Variants in SLC47A2 observed in about 807,000 individuals in gnomAD.
SLC47A2 encodes the protein solute carrier family 47 member 2.
SLC47A2 carries 52 observed loss-of-function variants against 67.7 expected under a neutral mutation model. The observed-to-expected ratio is 0.77, with a 90% CI of 0.61 to 0.97. SLC47A2 has a LOEUF of 0.97. SLC47A2 is among the 50% of genes least tolerant of loss of function. The pLI is 0.00. For missense variants in SLC47A2, 676 were observed against 712.3 expected (o/e 0.95, Z 0.58); for synonymous variants, 278 against 292.9 (o/e 0.95, Z 0.52).
intron 1 of SLC47A2, 143 bp from the exon 2 acceptor site, chr17:19,715,360 C>T (rs1489267650): frequency 1.5e-5 from 10 of 673,578 alleles, no homozygotes; most frequent in African/African-American, 1.1e-4. Flanking sequence ...GGCTGGAGGT[C>T]GGATGACCTA....
chr17:19,709,346 TCTCTC>T (rs1458969961), intron 5 of SLC47A2, among the ~76,000 whole-genome samples: 1 of 152,166 alleles, frequency 6.6e-6, no homozygotes, highest in Non-Finnish European at 1.5e-5. Flanking sequence ...ACCTACCCTT[TCTCTC>T]CTCTCTTAAG....
intron 13 of SLC47A2, among the ~76,000 whole-genome samples, chr17:19,691,110 C>T (rs9797254): frequency 0.21 from 31,499 of 149,402 alleles, 3,682 homozygotes; most frequent in East Asian, 0.39. Flanking sequence ...GCAACAAGAG[C>T]GAAACTCCGT....
intron 13 of SLC47A2, among the ~76,000 whole-genome samples, chr17:19,691,259 CAAAAG>C (rs1451756290): frequency 1.3e-5 from 2 of 152,028 alleles, no homozygotes; most frequent in East Asian, 1.9e-4. Flanking sequence ...GGTATATACT[CAAAAG>C]AAAGGAAATT....
intron 7 of SLC47A2, 103 bp from the exon 8 acceptor site, chr17:19,707,946 A>G: frequency 9.2e-7 from 1 of 1,081,802 alleles, no homozygotes; most frequent in East Asian, 2.6e-5. Context: ...TGGGGCAGGC[A>G]TGGCTCTGCT....
At chr17:19,705,976 G>T (rs2085924295) in intron 9 of SLC47A2, among the ~76,000 whole-genome samples, 1 of 152,122 alleles carries the variant, frequency 6.6e-6, no homozygotes, top group African/African-American at 2.4e-5. Flanking sequence ...GGAAAATTCT[G>T]CCCAGTGCCC....
intron 13 of SLC47A2, among the ~76,000 whole-genome samples, chr17:19,693,022 T>C (rs1480019773): frequency 6.6e-6 from 1 of 151,968 alleles, no homozygotes; most frequent in Non-Finnish European, 1.5e-5. Flanking sequence ...TCCCAGCTAC[T>C]TGGGAGGCTG....
chr17:19,689,708 AAAAG>A (rs1423358595), intron 13 of SLC47A2, among the ~76,000 whole-genome samples: 1 of 152,070 alleles, frequency 6.6e-6, no homozygotes, highest in Non-Finnish European at 1.5e-5. Flanking sequence ...AAAAAAAAAA[AAAAG>A]AAAAAGAAAT....
intron 10 of SLC47A2, chr17:19,704,820 T>C: frequency 5.7e-6 from 3 of 527,634 alleles, no homozygotes; most frequent in Non-Finnish European, 9.1e-6. Context: ...CGATGGAATG[T>C]GCTTTTTTTT....
rs558797668 is a variant in SLC47A2 at position 19,694,282 on chromosome 17, A to C, written c.1164+8323T>G. On this transcript the variant is annotated intron_variant, in intron 13 of 16. Transcript: ENST00000433844. ...AATTGATAAGCTGATTCTAAAATAC[A>C]TACAAAAATGCAAAGGACCTAAAAG... Among the ~76,000 whole-genome samples the C allele has an allele frequency of 7.6e-4, 116 of 152,326 alleles. 1 individual carries two copies. The highest frequency in any genetic ancestry group is 8.3e-4 in the South Asian group (4 of 4,826).
intron 13 of SLC47A2, among the ~76,000 whole-genome samples, chr17:19,686,080 G>A (rs947746886): frequency 6.6e-6 from 1 of 152,082 alleles, no homozygotes; most frequent in African/African-American, 2.4e-5. Context: ...TGGCCAACAT[G>A]GTGAAACCCT....
chr17:19,690,695 A>T (rs2386142), intron 13 of SLC47A2, among the ~76,000 whole-genome samples: 2 of 151,958 alleles, frequency 1.3e-5, no homozygotes, highest in African/African-American at 2.4e-5. Flanking sequence ...ATATGAAAAG[A>T]TGCCCAACAT....
upstream of SLC47A2, chr17:19,717,358 C>T (rs1000863471): frequency 1.3e-5 from 2 of 152,494 alleles, no homozygotes; most frequent in Non-Finnish European, 2.9e-5. Context: ...ATTGCCCTCT[C>T]TGCTTTTCCT....
At chr17:19,688,669 C>G (rs1341188095) in intron 13 of SLC47A2, among the ~76,000 whole-genome samples, 4 of 151,966 alleles carry the variant, frequency 2.6e-5, no homozygotes, top group Admixed American at 2.6e-4. Flanking sequence ...CTGCCTCATC[C>G]TCCCAAGTAG....
At chr17:19,687,340 A>G (rs1189695311) in intron 13 of SLC47A2, among the ~76,000 whole-genome samples, 1 of 152,190 alleles carries the variant, frequency 6.6e-6, no homozygotes, top group Non-Finnish European at 1.5e-5. Context: ...AAGTGGAAAA[A>G]CATCTAATAA....
At chr17:19,707,982 A>C in intron 7 of SLC47A2, 139 bp from the exon 8 acceptor site, 2 of 865,602 alleles carry the variant, frequency 2.3e-6, no homozygotes, top group Non-Finnish European at 1.8e-6. Context: ...GATCAGACTC[A>C]ACCAGGGCCC....
chr17:19,702,196 C>T, intron 13 of SLC47A2: 2 of 985,254 alleles, frequency 2.0e-6, no homozygotes, highest in Non-Finnish European at 1.2e-6. Flanking sequence ...CCAGTTCCTT[C>T]TGTGTTCTGG....
intron 13 of SLC47A2, among the ~76,000 whole-genome samples, chr17:19,686,238 G>A (rs2085425739): frequency 6.6e-6 from 1 of 152,030 alleles, no homozygotes; most frequent in East Asian, 1.9e-4. Flanking sequence ...CTCCAGCCTG[G>A]GCTACAAGAG....
At chr17:19,708,887 T>A in intron 5 of SLC47A2, 127 bp from the exon 6 acceptor site, 1 of 1,229,948 alleles carries the variant, frequency 8.1e-7, no homozygotes, top group South Asian at 1.4e-5. Context: ...AAAGTATGTC[T>A]GGGACCTCTC....
rs771004939 is a variant in SLC47A2, at chr17:19,681,513, C to T, written c.1297+25G>A. 8 of 1,614,222 alleles carry T rather than the reference C, an allele frequency of 5.0e-6. No individual in the cohort carries two copies. The South Asian group carries it at 6.6e-5, about 13-fold the overall frequency. On this transcript the variant is annotated intron_variant, in intron 14 of 16. Coordinates refer to ENST00000433844, the MANE Select transcript of SLC47A2 (RefSeq NM_001099646.3). ...CAATGTCCGACGACCACCCAGGCCT[C>T]TCCCGACTTCCTCACACCACATACC...
Sources: gnomAD v4.1 joint callset for allele counts (sites outside exome capture counted in the v4.1 genomes callset) on GRCh38, gnomAD v4.1.1 for gene constraint, MANE v1.5 for transcripts, NCBI Gene and HGNC (gene_info 2026-07-23, HGNC 2026-07-21) for gene names.